Variants in MEOX2 observed in about 807,000 individuals in gnomAD.
MEOX2 encodes mesenchyme homeobox 2, also known as homeobox protein MOX-2.
A neutral mutation model predicts 27.0 loss-of-function variants in MEOX2; 11 were observed. The ratio of observed to expected loss-of-function variants is 0.41; its 90% CI spans 0.26 to 0.68. MEOX2 has a LOEUF of 0.68. Ranked by LOEUF, MEOX2 falls within the 30% of genes least tolerant of loss-of-function variation. MEOX2 has a pLI of 0.33. For missense variants in MEOX2, 436 were observed against 385.4 expected (o/e 1.13, Z -1.10); for synonymous variants, 189 against 155.4 (o/e 1.22, Z -1.61).
chr7:15,685,816 C>A (rs1782370360), intron 1 of MEOX2, 70 bp downstream of exon 1: 3 of 1,508,562 alleles, frequency 2.0e-6, no homozygotes, highest in African/African-American at 1.4e-5. Context: ...GTGCGAGAAT[C>A]TCCCCTAGTA....
At chr7:15,630,595 C>G (rs1781385892) in intron 1 of MEOX2, among the ~76,000 whole-genome samples, 1 of 151,866 alleles carries the variant, frequency 6.6e-6, no homozygotes, top group Non-Finnish European at 1.5e-5. Flanking sequence ...AGTTCCATAT[C>G]CTGAAGAAAA....
At chr7:15,668,655 T>C (rs1782048430) in intron 1 of MEOX2, among the ~76,000 whole-genome samples, 1 of 152,084 alleles carries the variant, frequency 6.6e-6, no homozygotes, top group Non-Finnish European at 1.5e-5. Flanking sequence ...TTTGTATTTT[T>C]AGTAGAGATG....
intron 1 of MEOX2, among the ~76,000 whole-genome samples, chr7:15,654,118 G>A (rs1781783251): frequency 6.6e-6 from 1 of 151,896 alleles, no homozygotes; most frequent in South Asian, 2.1e-4. Flanking sequence ...CAGATCCTGT[G>A]AATGTTTTGT....
chr7:15,666,914 G>T (rs911682678), intron 1 of MEOX2, among the ~76,000 whole-genome samples: 2 of 150,130 alleles, frequency 1.3e-5, no homozygotes, highest in Non-Finnish European at 3.0e-5. Context: ...CTTATTACTT[G>T]ACAAGGTCCC....
intron 1 of MEOX2, among the ~76,000 whole-genome samples, chr7:15,660,494 T>C (rs1781894815): frequency 1.3e-5 from 2 of 152,122 alleles, no homozygotes; most frequent in Admixed American, 6.5e-5. Context: ...GGTGGCGCAC[T>C]GTCATTTGCA....
intron 1 of MEOX2, among the ~76,000 whole-genome samples, chr7:15,665,018 A>G (rs889092850): frequency 6.6e-6 from 1 of 150,986 alleles, no homozygotes; most frequent in Admixed American, 6.6e-5. Context: ...GTCAGTGATG[A>G]CAGATTTATT....
At chr7:15,670,018 T>C (rs1479432302) in intron 1 of MEOX2, among the ~76,000 whole-genome samples, 1 of 152,218 alleles carries the variant, frequency 6.6e-6, no homozygotes, top group Non-Finnish European at 1.5e-5. Context: ...ATCTCCCTAG[T>C]TGACCTTACA....
intron 1 of MEOX2, among the ~76,000 whole-genome samples, chr7:15,672,541 A>G (rs1296631774): frequency 6.6e-6 from 1 of 152,214 alleles, no homozygotes; most frequent in African/African-American, 2.4e-5. Context: ...TGTCCTGATT[A>G]ATCCAATAAT....
chr7:15,656,112 T>C (rs1781815967), intron 1 of MEOX2, among the ~76,000 whole-genome samples: 1 of 151,886 alleles, frequency 6.6e-6, no homozygotes, highest in African/African-American at 2.4e-5. Flanking sequence ...TCTCTGTCTC[T>C]GGTAATTTTT....
At chr7:15,621,630 T>C (rs73300560) in intron 2 of MEOX2, among the ~76,000 whole-genome samples, 15 of 152,268 alleles carry the variant, frequency 9.9e-5, no homozygotes, top group Admixed American at 9.2e-4. Context: ...GACACATATA[T>C]GAGTCATCAT....
intron 1 of MEOX2, among the ~76,000 whole-genome samples, chr7:15,682,683 G>T (rs1470849115): frequency 3.3e-5 from 5 of 151,718 alleles, no homozygotes; most frequent in Non-Finnish European, 5.9e-5. Flanking sequence ...AACTAAAACT[G>T]GGCAGTTTAT....
intron 1 of MEOX2, among the ~76,000 whole-genome samples, chr7:15,659,721 C>G (rs1358976804): frequency 7.3e-6 from 1 of 137,280 alleles, no homozygotes; most frequent in Non-Finnish European, 1.5e-5. Flanking sequence ...GATCGCGTCA[C>G]TGCACTCCAG....
At chr7:15,628,359 C>G (rs1335133712) in intron 1 of MEOX2, among the ~76,000 whole-genome samples, 3 of 152,024 alleles carry the variant, frequency 2.0e-5, no homozygotes, top group Non-Finnish European at 4.4e-5. Context: ...GTAAAGTTTT[C>G]TAGGTCTAGT....
At chr7:15,674,156 CA>C (rs1782155545) in intron 1 of MEOX2, among the ~76,000 whole-genome samples, 1 of 152,046 alleles carries the variant, frequency 6.6e-6, no homozygotes, top group African/African-American at 2.4e-5. Context: ...TCATGTGTTT[CA>C]AAGCCAATAA....
intron 1 of MEOX2, 37 bp from the exon 2 acceptor site, chr7:15,626,955 T>A (rs1316106313): frequency 1.3e-6 from 2 of 1,583,126 alleles, no homozygotes; most frequent in African/African-American, 1.4e-5. Context: ...TAATAACTCA[T>A]TTATTCAAAC....
intron 1 of MEOX2, among the ~76,000 whole-genome samples, chr7:15,661,012 CAAAAAAAAAAAAAAA>C (rs71004402): frequency 2.3e-4 from 10 of 44,334 alleles, no homozygotes; most frequent in African/African-American, 7.5e-4. Context: ...GACTCAGTCT[CAAAAAAAAAAAAAAA>C]AAAAAAAAAA....
chr7:15,631,553 T>C (rs982725170), intron 1 of MEOX2, among the ~76,000 whole-genome samples: 3 of 151,884 alleles, frequency 2.0e-5, no homozygotes, highest in African/African-American at 2.4e-5. Flanking sequence ...TTTTATGTAA[T>C]AGTTTTTCAA....
chr7:15,639,554 A>T (rs1305476628), intron 1 of MEOX2, among the ~76,000 whole-genome samples: 2 of 151,442 alleles, frequency 1.3e-5, no homozygotes, highest in African/African-American at 4.8e-5. Context: ...CCAGTTTCTA[A>T]AAAAGTTCTT....
At chr7:15,646,845 A>T (rs1413228033) in intron 1 of MEOX2, among the ~76,000 whole-genome samples, 1 of 151,906 alleles carries the variant, frequency 6.6e-6, no homozygotes, top group Non-Finnish European at 1.5e-5. Flanking sequence ...ATTTTAATTA[A>T]TGTTTTCTAT....
Sources: gnomAD v4.1 joint callset for allele counts (sites outside exome capture counted in the v4.1 genomes callset) on GRCh38, gnomAD v4.1.1 for gene constraint, MANE v1.5 for transcripts, NCBI Gene and HGNC (gene_info 2026-07-23, HGNC 2026-07-21) for gene names.